GALNT17: variants seen among roughly 807,000 people sequenced by gnomAD.
The protein encoded by GALNT17 is UDP-GalNAc:polypeptide N-acetylgalactosaminyltransferase-like 3.
A neutral mutation model predicts 63.7 loss-of-function variants in GALNT17; 29 were observed. That is an observed-to-expected ratio of 0.46 (90% CI 0.34 to 0.62). GALNT17 has a LOEUF of 0.62. Ranked by LOEUF, GALNT17 falls within the 20% of genes least tolerant of loss-of-function variation. GALNT17 has a pLI of 0.01. For synonymous variants in GALNT17, 305 were observed against 318.3 expected, an observed-to-expected ratio of 0.96 and a Z score of 0.45; for missense variants, 603 against 799.6, an observed-to-expected ratio of 0.75 and a Z score of 2.97.
At chr7:71,310,575 G>C (rs1791398007) in intron 1 of GALNT17, among the ~76,000 whole-genome samples, 1 of 152,194 alleles carries the variant, frequency 6.6e-6, no homozygotes, top group Non-Finnish European at 1.5e-5. Flanking sequence ...TGGGGTCCCA[G>C]ATGCCTTCAA....
chr7:71,328,787 TTAAG>T (rs1464368770), intron 1 of GALNT17, among the ~76,000 whole-genome samples: 6 of 152,006 alleles, frequency 3.9e-5, no homozygotes, highest in Non-Finnish European at 8.8e-5. Context: ...TTGGAGGCTG[TTAAG>T]TGAATGCCTT....
intron 1 of GALNT17, among the ~76,000 whole-genome samples, chr7:71,200,020 A>G (rs910966563): frequency 1.3e-5 from 2 of 152,196 alleles, no homozygotes; most frequent in Non-Finnish European, 1.5e-5. Flanking sequence ...GTAAACACAC[A>G]TCTCCTCAGA....
intron 6 of GALNT17, among the ~76,000 whole-genome samples, chr7:71,578,797 G>C (rs79010911): frequency 0.017 from 2,609 of 152,152 alleles, 26 homozygotes; most frequent in Middle Eastern, 0.068. Context: ...CCTTCTGCCT[G>C]CCCTCCTGAT....
intron 1 of GALNT17, among the ~76,000 whole-genome samples, chr7:71,305,451 CT>C (rs1791272571): frequency 6.6e-6 from 1 of 152,304 alleles, no homozygotes; most frequent in East Asian, 1.9e-4. Context: ...TTTCTACCCC[CT>C]GGGATGGCAG....
intron 1 of GALNT17, chr7:71,300,426 C>T: frequency 6.6e-6 from 3 of 456,284 alleles, no homozygotes; most frequent in South Asian, 4.6e-5. Context: ...CCCTCTCTGC[C>T]ACAGCTGAAA....
At chr7:71,362,689 G>T (rs1046120869) in intron 2 of GALNT17, among the ~76,000 whole-genome samples, 1 of 151,990 alleles carries the variant, frequency 6.6e-6, no homozygotes, top group African/African-American at 2.4e-5. Context: ...ATTTTTCTTG[G>T]CAAAAGTGCC....
At chr7:71,410,362 C>G (rs1413641022) in intron 3 of GALNT17, among the ~76,000 whole-genome samples, 1 of 152,094 alleles carries the variant, frequency 6.6e-6, no homozygotes, top group Non-Finnish European at 1.5e-5. Context: ...TCTCCCACCT[C>G]AGGCTCCTGA....
chr7:71,278,572 T>C (rs1222702435), intron 1 of GALNT17, among the ~76,000 whole-genome samples: 1 of 152,208 alleles, frequency 6.6e-6, no homozygotes, highest in Admixed American at 6.5e-5. Context: ...GGGCAACTTA[T>C]GAAGGAAAGA....
At chr7:71,343,050 G>A (rs923626391) in intron 2 of GALNT17, among the ~76,000 whole-genome samples, 1 of 152,216 alleles carries the variant, frequency 6.6e-6, no homozygotes, top group Non-Finnish European at 1.5e-5. Context: ...ATAGGCCATA[G>A]GCAGTAACCA....
At chr7:71,250,599 C>T (rs572879487) in intron 1 of GALNT17, among the ~76,000 whole-genome samples, 1 of 152,276 alleles carries the variant, frequency 6.6e-6, no homozygotes, top group African/African-American at 2.4e-5. Context: ...GCATCCATTC[C>T]ATCAGGAGGC....
intron 2 of GALNT17, among the ~76,000 whole-genome samples, chr7:71,377,861 G>A (rs1414408632): frequency 6.6e-6 from 1 of 152,166 alleles, no homozygotes; most frequent in South Asian, 2.1e-4. Flanking sequence ...TGTGAAGAAG[G>A]TGCTTGCTTC....
intron 1 of GALNT17, among the ~76,000 whole-genome samples, chr7:71,261,295 T>A (rs1276446207): frequency 6.6e-6 from 1 of 152,112 alleles, no homozygotes; most frequent in African/African-American, 2.4e-5. Flanking sequence ...AAAGCCACTT[T>A]CAGTTTTTCC....
intron 6 of GALNT17, among the ~76,000 whole-genome samples, chr7:71,587,997 A>G (rs1169661766): frequency 1.3e-5 from 2 of 152,214 alleles, no homozygotes; most frequent in Non-Finnish European, 2.9e-5. Context: ...TAGACCTGGA[A>G]TTGGCCATTT....
At chr7:71,676,670 G>A (rs1034728259) in intron 8 of GALNT17, among the ~76,000 whole-genome samples, 3 of 152,108 alleles carry the variant, frequency 2.0e-5, no homozygotes, top group Non-Finnish European at 2.9e-5. Flanking sequence ...GTGAGCCACC[G>A]CATCCAGCCT....
chr7:71,194,760 G>GT (rs376985356), intron 1 of GALNT17, among the ~76,000 whole-genome samples: 22 of 152,262 alleles, frequency 1.4e-4, no homozygotes, highest in African/African-American at 4.8e-4. Context: ...AGCAACTTCA[G>GT]TTTTTCCCCT....
At chr7:71,589,447 T>C (rs1416465522) in intron 6 of GALNT17, among the ~76,000 whole-genome samples, 1 of 152,056 alleles carries the variant, frequency 6.6e-6, no homozygotes, top group Admixed American at 6.5e-5. Flanking sequence ...TGGTGTGCCC[T>C]TGTAGTCACA....
At chr7:71,395,422 T>C (rs1388083647) in intron 3 of GALNT17, among the ~76,000 whole-genome samples, 1 of 152,250 alleles carries the variant, frequency 6.6e-6, no homozygotes, top group East Asian at 1.9e-4. Flanking sequence ...TACTTCATTC[T>C]TTTTATGACT....
chr7:71,189,897 G>T (rs1298701460), intron 1 of GALNT17, among the ~76,000 whole-genome samples: 6 of 149,666 alleles, frequency 4.0e-5, no homozygotes. Flanking sequence ...TGCAACCTCT[G>T]CCTCCCGGGT....
intron 3 of GALNT17, among the ~76,000 whole-genome samples, chr7:71,406,411 A>G (rs1478067338): frequency 3.9e-5 from 6 of 152,014 alleles, no homozygotes; most frequent in Non-Finnish European, 8.8e-5. Context: ...AGAACTTACA[A>G]AAGTAAGCTT....
Sources: gnomAD v4.1 joint callset for allele counts (sites outside exome capture counted in the v4.1 genomes callset) on GRCh38, gnomAD v4.1.1 for gene constraint, MANE v1.5 for transcripts, NCBI Gene and HGNC (gene_info 2026-07-23, HGNC 2026-07-21) for gene names.